Variants in ISM2 observed in about 807,000 individuals in gnomAD.
ISM2 encodes the protein isthmin 2.
In ISM2, 50 loss-of-function variants were observed where a neutral mutation model predicts 58.0. The ratio of observed to expected loss-of-function variants is 0.86; its 90% CI spans 0.69 to 1.09. The LOEUF is 1.09. Ranked by LOEUF, ISM2 falls within the 50% of genes least tolerant of loss-of-function variation. The probability of loss-of-function intolerance (pLI) is 0.00; values close to 1 mark genes in which losing one functional copy is unlikely to be tolerated. For synonymous variants in ISM2, 303 were observed against 312.4 expected (o/e 0.97, Z 0.32); for missense variants, 723 against 745.0 (o/e 0.97, Z 0.34).
intron 3 of ISM2, 26 bp downstream of exon 3, chr14:77,484,297 G>T (rs11850050): frequency 1.9e-6 from 3 of 1,604,066 alleles, no homozygotes; most frequent in Non-Finnish European, 2.6e-6. Flanking sequence ...TGTCTGCAGG[G>T]CTGCTGGCCC....
At chr14:77,489,702 C>A (rs546290059) in intron 1 of ISM2, among the ~76,000 whole-genome samples, 48 of 152,272 alleles carry the variant, frequency 3.2e-4, no homozygotes, top group Admixed American at 3.0e-3. Context: ...GCGGAGGCTG[C>A]AAAGCTCCTC....
intron 4 of ISM2, among the ~76,000 whole-genome samples, chr14:77,479,868 C>T (rs747746861): frequency 2.0e-5 from 3 of 152,024 alleles, no homozygotes; most frequent in Non-Finnish European, 4.4e-5. Flanking sequence ...CCATGTTGCC[C>T]AGGCTGGTCT....
rs2079138788 is a variant in ISM2 at position 77,482,514 on chromosome 14, C to A, written c.781G>T (p.Ala261Ser). 2 of 1,614,056 alleles carry A rather than the reference C, an allele frequency of 1.2e-6. No individual in the cohort carries two copies. The highest frequency in any genetic ancestry group is 2.2e-5 in the South Asian group (2 of 91,086). Residue 261 changes from alanine (A) to serine (S), a missense_variant, in exon 4 of 7, where the codon GCC becomes TCC. Coordinates refer to ENST00000342219, the MANE Select transcript of ISM2 (RefSeq NM_199296.3). ...TTTTCCTCCCCCTTCTCCCCTGGGG[C>A]CCTGTCTTTTTCCTCTCCTTTGTAG... ...GDYKGEEKDRAPGEKGEEKEE... is the reference protein window; with the variant it reads ...GDYKGEEKDRSPGEKGEEKEE...
At chr14:77,492,085 T>G (rs1222593629) in intron 1 of ISM2, among the ~76,000 whole-genome samples, 4 of 151,270 alleles carry the variant, frequency 2.6e-5, no homozygotes, top group Admixed American at 6.6e-5. Flanking sequence ...ACAGGAGCTG[T>G]GAACTCCTGG....
Position 77,475,330 on chromosome 14 carries a change from C to T in ISM2, c.*265G>A. The T allele has an allele frequency of 3.2e-6, 1 of 312,134 alleles. No homozygotes were observed. The highest frequency in any genetic ancestry group is 5.5e-5 in the East Asian group (1 of 18,278). 19.3% of individuals were successfully genotyped at this position (312,134 alleles called of 1,614,324 possible). A position where few individuals can be genotyped will look rare whatever the true frequency, so the allele number is the denominator to read the frequency against. On this transcript the variant is annotated 3_prime_UTR_variant, in exon 7 of 7. Coordinates refer to ENST00000342219, the MANE Select transcript of ISM2 (RefSeq NM_199296.3). This position sits in a 1 kb window ranked among gnomAD's most constrained non-coding sequence, Gnocchi z 4.1. The stretch of plus-strand genomic sequence containing the variant: ...GTCCCAGCAGGCAGCAGAGGGAGGC[C>T]CCGGCAGACACATGCACATATGCAC...
chr14:77,480,194 G>A (rs1477882680), intron 4 of ISM2, among the ~76,000 whole-genome samples: 1 of 151,784 alleles, frequency 6.6e-6, no homozygotes, highest in East Asian at 1.9e-4. Context: ...GCTGAGGCAG[G>A]AGGATCATCT....
At chr14:77,479,662 G>T (rs367916621) in intron 4 of ISM2, among the ~76,000 whole-genome samples, 1 of 152,052 alleles carries the variant, frequency 6.6e-6, no homozygotes. Flanking sequence ...GATTACAGGC[G>T]TGAGCCACTG....
chr14:77,481,348 T>TAA (rs112409113), intron 4 of ISM2, among the ~76,000 whole-genome samples: 1 of 146,284 alleles, frequency 6.8e-6, no homozygotes, highest in Non-Finnish European at 1.5e-5. Context: ...TCAAAAAAAT[T>TAA]AAAAAAAAAA....
intron 4 of ISM2, 100 bp downstream of exon 4, chr14:77,482,222 A>T: frequency 1.2e-6 from 1 of 820,520 alleles, no homozygotes; most frequent in Non-Finnish European, 2.0e-6. Context: ...TGGCTTCCTC[A>T]ATGGTCTTGC....
chr14:77,477,742 G>A (rs1048001650), intron 6 of ISM2, among the ~76,000 whole-genome samples: 1 of 152,140 alleles, frequency 6.6e-6, no homozygotes, highest in African/African-American at 2.4e-5. Flanking sequence ...CTGCAAGGTT[G>A]GTCTCCCTGC....
intron 6 of ISM2, among the ~76,000 whole-genome samples, chr14:77,476,654 G>A (rs1289988556): frequency 2.6e-5 from 4 of 152,090 alleles, no homozygotes; most frequent in African/African-American, 9.7e-5. Flanking sequence ...GGGAAACGTG[G>A]CCTTTTTTTA....
intron 4 of ISM2, among the ~76,000 whole-genome samples, chr14:77,480,553 T>C (rs1229728571): frequency 1.7e-4 from 19 of 109,972 alleles, no homozygotes; most frequent in African/African-American, 6.6e-4. Flanking sequence ...TTTTCCTTTT[T>C]TTTTTTTTTT....
chr14:77,486,290 G>A lies in ISM2; in HGVS notation c.142-1371C>T, dbSNP rs534171328. Among the ~76,000 whole-genome samples, 17 of 152,164 alleles carry A rather than the reference G, an allele frequency of 1.1e-4. No homozygotes were observed. The South Asian group carries it at 3.3e-3, about 30-fold the overall frequency. On this transcript the variant is annotated intron_variant, in intron 1 of 6. Coordinates refer to ENST00000342219, the MANE Select transcript of ISM2 (RefSeq NM_199296.3). ...CTTACTTTTTTTTCTTGAAAGTTTG[G>A]AAACAGATTCAGAATCTTCTGTCTC...
chr14:77,478,708 C>T lies in ISM2; in HGVS notation c.981G>A (p.Glu327=). 6.2e-7 allele frequency: 1 copy of T among 1,612,042 alleles called. No homozygotes were observed. ...ACCAGGGACTCCACTCCTTCTGAGG[C>T]TCATAGTCTGGGTTAAGACAGGGAG... ...VFKDSVSYDY[E]PQKEWSPWSP... is the part of the protein sequence containing the mutation. The change falls in exon 5 of 7, where the codon GAG becomes GAA. Residue 327 remains glutamate (E), a synonymous_variant. Coordinates refer to ENST00000342219, the MANE Select transcript of ISM2 (RefSeq NM_199296.3).
chr14:77,482,753 A>G (rs1180640859), intron 3 of ISM2, 86 bp from the exon 4 acceptor site: 1 of 837,060 alleles, frequency 1.2e-6, no homozygotes, highest in East Asian at 2.6e-5. Flanking sequence ...TCAGGGTCAG[A>G]GGTGAGAGGC....
At chr14:77,493,053 G>A (rs2079216250) in intron 1 of ISM2, among the ~76,000 whole-genome samples, 1 of 151,990 alleles carries the variant, frequency 6.6e-6, no homozygotes, top group Non-Finnish European at 1.5e-5. Context: ...GAGTGCAGTG[G>A]TGCAATCAAT....
At position 77,475,570 on chromosome 14, in the gene ISM2, C is replaced by T; in HGVS notation, c.*25G>A. 1 of 1,531,824 alleles carries T rather than the reference C, an allele frequency of 6.5e-7. No homozygotes were observed. The highest frequency in any genetic ancestry group is 1.3e-5 in the South Asian group (1 of 77,780). The allele number at this position is 1,531,824 out of a possible 1,614,324, so 94.9% of individuals were successfully genotyped here. A position where few individuals can be genotyped will look rare whatever the true frequency, so the allele number is the denominator to read the frequency against. ...GCAGCAGCCGCCTGCCCTCTCCCTG[C>T]AGTGTCTGTTCAGCAACCCCGTCAC... is the stretch of plus-strand genomic sequence containing the variant. On this transcript the variant is annotated 3_prime_UTR_variant, in exon 7 of 7. Transcript: ENST00000342219. This position sits in a 1 kb window ranked among gnomAD's most constrained non-coding sequence, Gnocchi z 4.1.
chr14:77,478,575 C>A lies in ISM2; in HGVS notation c.1114G>T (p.Gly372Cys). The A allele has an allele frequency of 1.2e-6, 2 of 1,611,956 alleles. No individual in the cohort carries two copies. Among genetic ancestry groups the A allele is most frequent in the Non-Finnish European group, 1.7e-6 (2 of 1,178,470 alleles). Residue 372 changes from glycine to cysteine, a missense_variant and splice_region_variant, in exon 5 of 7, where the codon GGC becomes TGC. Transcript: ENST00000342219. ...ATGCAGGGGTAGGGGCTCATCTCAC[C>A]AGGACAGGAGGGCAGGTCACAGGTA... The part of the protein sequence containing the change: ...TRTCDLPSCP[G>C]TEDKDTLGLP...
intron 4 of ISM2, 89 bp from the exon 5 acceptor site, chr14:77,478,804 G>T: frequency 7.2e-7 from 1 of 1,381,064 alleles, no homozygotes; most frequent in Non-Finnish European, 1.0e-6. Flanking sequence ...TTCCTCAGGT[G>T]GATGCAGCCC....
Sources: allele counts gnomAD v4.1 joint callset (sites outside exome capture counted in the v4.1 genomes callset), GRCh38; gene constraint gnomAD v4.1.1; non-coding constraint Gnocchi (gnomAD v3.1); transcripts MANE v1.5; gene names NCBI Gene and HGNC (gene_info 2026-07-23, HGNC 2026-07-21).